USP46: variants seen among roughly 807,000 people sequenced by gnomAD.
The protein encoded by USP46 is ubiquitin specific peptidase 46, also known as ubiquitin carboxyl-terminal hydrolase 46.
USP46 carries 12 observed loss-of-function variants against 44.4 expected under a neutral mutation model. The ratio of observed to expected loss-of-function variants is 0.27; its 90% CI spans 0.17 to 0.44. USP46 has a LOEUF of 0.44. USP46 is among the 20% of genes least tolerant of loss of function. USP46 has a pLI of 1.00. For synonymous variants in USP46, 155 were observed against 161.5 expected (o/e 0.96, Z 0.31); for missense variants, 248 against 444.8 (o/e 0.56, Z 3.98).
At chr4:52,635,329 C>T (rs975510860) in intron 1 of USP46, among the ~76,000 whole-genome samples, 3 of 152,176 alleles carry the variant, frequency 2.0e-5, no homozygotes, top group Non-Finnish European at 2.9e-5. Flanking sequence ...TCTGAACATA[C>T]ACCCAGACAA....
intron 1 of USP46, chr4:52,656,286 A>AG: frequency 1.3e-6 from 2 of 1,551,344 alleles, no homozygotes; most frequent in South Asian, 2.4e-5. Flanking sequence ...GGGACCTGTA[A>AG]GACACCTACC....
intron 4 of USP46, among the ~76,000 whole-genome samples, chr4:52,613,721 C>CAAAA (rs59351260): frequency 2.6e-5 from 2 of 77,086 alleles, no homozygotes; most frequent in Non-Finnish European, 5.5e-5. Context: ...GACTCCATCT[C>CAAAA]AAAAAAAAAA....
Position 52,593,035 on chromosome 4 carries a change from G to T in USP46, c.*4605C>A. 2.5e-6 allele frequency: 1 copy of T among 397,892 alleles called. No individual in the cohort carries two copies. The allele number at this position is 397,892 out of a possible 1,614,324, so 24.6% of individuals were successfully genotyped here. ...CCTCTTTTCTTCAGAAATGACCCAC[G>T]CTCAGGTATGTCTTTATAGCACTGC... is the stretch of plus-strand genomic sequence containing the variant. On this transcript the variant is annotated 3_prime_UTR_variant, in exon 9 of 9. Transcript: ENST00000441222.
chr4:52,608,068 CAGGA>C (rs1181264968), intron 5 of USP46, among the ~76,000 whole-genome samples: 1 of 152,010 alleles, frequency 6.6e-6, no homozygotes, highest in Non-Finnish European at 1.5e-5. Context: ...CCCTCGTTCT[CAGGA>C]AGGAAGGAAG....
At chr4:52,627,872 C>T in intron 3 of USP46, 78 bp downstream of exon 3, 2 of 1,432,986 alleles carry the variant, frequency 1.4e-6, no homozygotes, top group Middle Eastern at 3.6e-4. Context: ...AATGCCAGCT[C>T]TTCCTTTTGA....
chr4:52,602,941 A>G (rs565006644), intron 6 of USP46, among the ~76,000 whole-genome samples: 4 of 152,246 alleles, frequency 2.6e-5, no homozygotes, highest in African/African-American at 4.8e-5. Flanking sequence ...GCTAGAATAG[A>G]GGGTCTTCCA....
chr4:52,619,452 T>C (rs1717295106), intron 4 of USP46, among the ~76,000 whole-genome samples: 1 of 152,234 alleles, frequency 6.6e-6, no homozygotes, highest in Non-Finnish European at 1.5e-5. Flanking sequence ...TCTAGTGCCA[T>C]TTAATCCTAC....
chr4:52,608,429 G>A (rs978570405), intron 5 of USP46, among the ~76,000 whole-genome samples: 2 of 152,208 alleles, frequency 1.3e-5, no homozygotes, highest in Admixed American at 6.5e-5. Flanking sequence ...ATATACTGAC[G>A]AGGCTGCGCC....
chr4:52,603,799 C>A (rs558713556), intron 6 of USP46, among the ~76,000 whole-genome samples: 2 of 152,146 alleles, frequency 1.3e-5, no homozygotes, highest in African/African-American at 4.8e-5. Context: ...ATTCTCCTGC[C>A]TCAGCCTCCC....
In USP46 at chr4:52,591,294, G is replaced by C. The variant is rs1716001623; in HGVS notation, c.*6346C>G. Reference sequence around the variant, plus strand: ...GGACTTGATCAAATACACAGAAATAGTGGCTTCAATGATCAAGTTATTTTG... The same window carrying C: ...GGACTTGATCAAATACACAGAAATACTGGCTTCAATGATCAAGTTATTTTG... On this transcript the variant is annotated 3_prime_UTR_variant, in exon 9 of 9. Coordinates refer to ENST00000441222, the MANE Select transcript of USP46 (RefSeq NM_022832.4). The C allele has an allele frequency of 6.6e-6, 1 of 152,206 alleles. No homozygotes were observed. Among genetic ancestry groups the C allele is most frequent in the African/African-American group, 2.4e-5 (1 of 41,444 alleles). The allele number at this position is 152,206 out of a possible 1,614,324, so 9.4% of individuals were successfully genotyped here.
In USP46 at chr4:52,640,325, G is replaced by C. The variant is rs553259086; in HGVS notation, c.37-9181C>G. Reference sequence around the variant, plus strand: ...TCTATTCTACATCTGAGGGACACAAGGTGAACAAGACCAGGCCACTGTATT... The same window carrying C: ...TCTATTCTACATCTGAGGGACACAACGTGAACAAGACCAGGCCACTGTATT... On this transcript the variant is annotated intron_variant, in intron 1 of 8. Transcript: ENST00000441222. Among the ~76,000 whole-genome samples the C allele has an allele frequency of 5.9e-5, 9 of 152,202 alleles. No homozygotes were observed. In the East Asian group the frequency reaches 1.7e-3, roughly 29 times the overall value.
chr4:52,634,885 C>T (rs576321827), intron 1 of USP46, among the ~76,000 whole-genome samples: 1 of 152,292 alleles, frequency 6.6e-6, no homozygotes, highest in Non-Finnish European at 1.5e-5. Flanking sequence ...ATGAGCCATC[C>T]CACCCATGCT....
At position 52,659,280 on chromosome 4, in the gene USP46, G is replaced by C; in HGVS notation, c.-130C>G. 2.0e-6 allele frequency: 2 copies of C among 984,600 alleles called. No homozygotes were observed. The highest frequency in any genetic ancestry group is 1.4e-6 in the Non-Finnish European group (1 of 713,722). 61.0% of individuals were successfully genotyped at this position (984,600 alleles called of 1,614,324 possible). A position where few individuals can be genotyped will look rare whatever the true frequency, so the allele number is the denominator to read the frequency against. ...CTGGGGTCCGGCTTTCAGTTTGGCT[G>C]GGAGAGGGAGGCCGGGAGGAGGAGG... On this transcript the variant is annotated 5_prime_UTR_variant, in exon 1 of 9. Coordinates refer to ENST00000441222, the MANE Select transcript of USP46 (RefSeq NM_022832.4). The surrounding 1 kb of genome is among the most constrained non-coding windows in gnomAD (Gnocchi z 4.2).
At chr4:52,650,050 T>G (rs1274544492) in intron 1 of USP46, among the ~76,000 whole-genome samples, 1 of 152,194 alleles carries the variant, frequency 6.6e-6, no homozygotes, top group Non-Finnish European at 1.5e-5. Flanking sequence ...TTGACACACC[T>G]AGCAAAGCTG....
intron 4 of USP46, among the ~76,000 whole-genome samples, chr4:52,619,360 A>C (rs1717291663): frequency 6.6e-6 from 1 of 152,178 alleles, no homozygotes; most frequent in Non-Finnish European, 1.5e-5. Flanking sequence ...GCTGGCAAAA[A>C]GGTTTTCCAG....
chr4:52,636,866 TGGGTG>T (rs1718138127), intron 1 of USP46, among the ~76,000 whole-genome samples: 7 of 152,032 alleles, frequency 4.6e-5, no homozygotes, highest in Middle Eastern at 6.8e-3. Flanking sequence ...CTGCAGTGCA[TGGGTG>T]TGATCTTGGC....
chr4:52,630,061 A>G (rs1217836218), intron 2 of USP46, among the ~76,000 whole-genome samples: 1 of 152,178 alleles, frequency 6.6e-6, no homozygotes, highest in Non-Finnish European at 1.5e-5. Context: ...CAGAAAACCA[A>G]TTGTTTTTGA....
chr4:52,658,428 A>G (rs1719039010), intron 1 of USP46: 1 of 353,734 alleles, frequency 2.8e-6, no homozygotes, highest in East Asian at 7.7e-5. Context: ...CAGGCAGGAT[A>G]ACCCTGGAGA....
intron 6 of USP46, among the ~76,000 whole-genome samples, chr4:52,603,845 C>T (rs960081587): frequency 2.0e-5 from 3 of 152,014 alleles, no homozygotes; most frequent in African/African-American, 7.2e-5. Flanking sequence ...GCACCATGCC[C>T]AGCTAATTTT....
Sources: gnomAD v4.1 joint callset for allele counts (sites outside exome capture counted in the v4.1 genomes callset) on GRCh38, gnomAD v4.1.1 for gene constraint, Gnocchi (gnomAD v3.1) non-coding constraint, MANE v1.5 for transcripts, NCBI Gene and HGNC (gene_info 2026-07-23, HGNC 2026-07-21) for gene names.